The following KHDRBS2 variants were observed in gnomAD, a reference collection of about 807,000 sequenced individuals.
KHDRBS2 encodes KH domain-containing, RNA-binding, signal transduction-associated protein 2.
In KHDRBS2, 26 loss-of-function variants were observed where a neutral mutation model predicts 44.3. The ratio of observed to expected loss-of-function variants is 0.59; its 90% CI spans 0.43 to 0.81. KHDRBS2 has a LOEUF of 0.81. Ranked by LOEUF, KHDRBS2 falls within the 40% of genes least tolerant of loss-of-function variation. The probability of loss-of-function intolerance (pLI) is 0.00; values close to 1 mark genes in which losing one functional copy is unlikely to be tolerated. For synonymous variants in KHDRBS2, 194 were observed against 151.1 expected, an observed-to-expected ratio of 1.28 and a Z score of -2.08; for missense variants, 476 against 433.1, an observed-to-expected ratio of 1.10 and a Z score of -0.88.
At chr6:62,154,597 T>C (rs1428468746) in intron 2 of KHDRBS2, among the ~76,000 whole-genome samples, 4 of 152,152 alleles carry the variant, frequency 2.6e-5, no homozygotes, top group Admixed American at 2.6e-4. Flanking sequence ...GTTTCTCCTA[T>C]TCATCTTAGA....
chr6:62,237,823 G>A (rs1261828976), intron 1 of KHDRBS2, among the ~76,000 whole-genome samples: 2 of 152,084 alleles, frequency 1.3e-5, no homozygotes, highest in African/African-American at 2.4e-5. Context: ...GGCAGATCAC[G>A]AGGTCAGGAG....
At chr6:62,141,587 G>T (rs1281677687) in intron 2 of KHDRBS2, among the ~76,000 whole-genome samples, 2 of 152,070 alleles carry the variant, frequency 1.3e-5, no homozygotes, top group Non-Finnish European at 2.9e-5. Context: ...TGTGCCTAAT[G>T]AATAAGATGC....
intron 1 of KHDRBS2, among the ~76,000 whole-genome samples, chr6:62,214,616 C>T (rs1829662178): frequency 6.6e-6 from 1 of 151,622 alleles, no homozygotes; most frequent in Non-Finnish European, 1.5e-5. Flanking sequence ...ATATTTTTAC[C>T]CACATCTCTC....
intron 2 of KHDRBS2, among the ~76,000 whole-genome samples, chr6:62,124,995 C>A (rs1237894915): frequency 6.6e-6 from 1 of 152,152 alleles, no homozygotes; most frequent in African/African-American, 2.4e-5. Context: ...TAATTAGGGA[C>A]ACTGAACATT....
intron 3 of KHDRBS2, among the ~76,000 whole-genome samples, chr6:62,039,446 G>T (rs1176908580): frequency 1.3e-5 from 2 of 151,530 alleles, no homozygotes; most frequent in Admixed American, 1.3e-4. Flanking sequence ...TATGTATGTG[G>T]TACTAAATAT....
At chr6:62,017,495 C>A (rs1347912458) in intron 3 of KHDRBS2, among the ~76,000 whole-genome samples, 1 of 152,034 alleles carries the variant, frequency 6.6e-6, no homozygotes, top group Non-Finnish European at 1.5e-5. Context: ...CATTTATTGT[C>A]TTTGAACTGA....
At chr6:61,681,366 C>G (rs1463385396) in intron 8 of KHDRBS2, among the ~76,000 whole-genome samples, 1 of 151,792 alleles carries the variant, frequency 6.6e-6, no homozygotes, top group Non-Finnish European at 1.5e-5. Flanking sequence ...ATATAGGAAA[C>G]CAGTAGTCCT....
At chr6:61,822,141 A>G (rs1356118088) in intron 6 of KHDRBS2, among the ~76,000 whole-genome samples, 4 of 151,980 alleles carry the variant, frequency 2.6e-5, no homozygotes, top group Non-Finnish European at 5.9e-5. Flanking sequence ...TTTTCTGATA[A>G]ACTTTAGACC....
intron 2 of KHDRBS2, among the ~76,000 whole-genome samples, chr6:62,082,132 T>G (rs1797517516): frequency 1.3e-5 from 2 of 152,160 alleles, no homozygotes. Flanking sequence ...AAGACTCATC[T>G]CTTAAAAGGG....
the KHDRBS2 span, among the ~76,000 whole-genome samples, chr6:61,620,197 A>T: frequency 6.6e-6 from 1 of 152,108 alleles, no homozygotes; most frequent in Non-Finnish European, 1.5e-5. Context: ...AAGCATTCAG[A>T]AGTTTAAATC....
intron 6 of KHDRBS2, among the ~76,000 whole-genome samples, chr6:61,811,565 C>A (rs149041156): frequency 3.9e-5 from 6 of 152,254 alleles, no homozygotes; most frequent in African/African-American, 1.4e-4. Flanking sequence ...TTCATTCTTA[C>A]CAACAGTATA....
chr6:61,978,220 A>G lies in KHDRBS2; in HGVS notation c.337-8T>C. ...CTTCCTTAGTTCTTCTTCCTGTGAA[A>G]AAGGTTATTTTTAGAAATACAAATC... is the stretch of plus-strand genomic sequence containing the variant. On this transcript the variant is annotated splice_region_variant and splice_polypyrimidine_tract_variant and intron_variant, in intron 3 of 8. Coordinates refer to ENST00000281156, the MANE Select transcript of KHDRBS2 (RefSeq NM_152688.4). The G allele has an allele frequency of 6.3e-7, 1 of 1,598,176 alleles. No individual in the cohort carries two copies. The highest frequency in any genetic ancestry group is 8.5e-7 in the Non-Finnish European group (1 of 1,172,644).
chr6:62,061,387 A>C (rs1021310821), intron 2 of KHDRBS2, among the ~76,000 whole-genome samples: 1 of 151,546 alleles, frequency 6.6e-6, no homozygotes, highest in Non-Finnish European at 1.5e-5. Flanking sequence ...AAAATCTCTC[A>C]GCATTTGCTT....
At chr6:62,245,297 T>A (rs929347765) in intron 1 of KHDRBS2, among the ~76,000 whole-genome samples, 11 of 152,234 alleles carry the variant, frequency 7.2e-5, no homozygotes, top group African/African-American at 2.2e-4. Flanking sequence ...CCCAGAGACA[T>A]TAAAAAGAAA....
intron 6 of KHDRBS2, among the ~76,000 whole-genome samples, chr6:61,887,679 A>C (rs900664868): frequency 6.6e-6 from 1 of 152,200 alleles, no homozygotes; most frequent in African/African-American, 2.4e-5. Context: ...GAGTGAATTG[A>C]CTCATAGAGG....
intron 6 of KHDRBS2, among the ~76,000 whole-genome samples, chr6:61,768,817 T>A (rs1452798393): frequency 6.6e-6 from 1 of 152,116 alleles, no homozygotes; most frequent in Non-Finnish European, 1.5e-5. Context: ...ACCTGATTTT[T>A]TGGTCTTATA....
In KHDRBS2 at chr6:61,684,075, C is replaced by T. The variant is rs143331376; in HGVS notation, c.953-3015G>A. Among the ~76,000 whole-genome samples, 287 of 151,992 alleles carry T rather than the reference C, an allele frequency of 1.9e-3. 1 individual carries two copies. The highest frequency in any genetic ancestry group is 8.7e-3 in the South Asian group (42 of 4,826). On this transcript the variant is annotated intron_variant, in intron 8 of 8. Coordinates refer to ENST00000281156, the MANE Select transcript of KHDRBS2 (RefSeq NM_152688.4). ...TTATTTGTGTCCATCTTTATCTTTC[C>T]TAATATCAGAATGTTTATGTATAGT... is the stretch of plus-strand genomic sequence containing the variant.
At chr6:61,865,833 T>C (rs923489327) in intron 6 of KHDRBS2, among the ~76,000 whole-genome samples, 5 of 152,092 alleles carry the variant, frequency 3.3e-5, no homozygotes, top group African/African-American at 1.2e-4. Context: ...CAAAATCTGG[T>C]GGGGTAGTCT....
chr6:61,769,232 G>A lies in KHDRBS2; in HGVS notation c.811-36468C>T, dbSNP rs545171299. Among the ~76,000 whole-genome samples, 51 of 152,236 alleles carry A rather than the reference G, an allele frequency of 3.4e-4. No individual in the cohort carries two copies. In the South Asian group the frequency reaches 0.01, roughly 31 times the overall value. ...AGCTCCGGTCTACGGAGCCCAGCAT[G>A]AGCAACACAGAACACGGGTGATTTC... On this transcript the variant is annotated intron_variant, in intron 6 of 8. Coordinates refer to ENST00000281156, the MANE Select transcript of KHDRBS2 (RefSeq NM_152688.4).
Sources: allele counts gnomAD v4.1 joint callset (sites outside exome capture counted in the v4.1 genomes callset), GRCh38; gene constraint gnomAD v4.1.1; transcripts MANE v1.5; gene names NCBI Gene and HGNC (gene_info 2026-07-23, HGNC 2026-07-21).